Variants in QDPR observed in about 807,000 individuals in gnomAD.
QDPR encodes the protein quinoid dihydropteridine reductase.
Under a neutral mutation model 31.7 loss-of-function variants are expected in QDPR, and 23 were observed. That is an observed-to-expected ratio of 0.73 (90% CI 0.52 to 1.03). The LOEUF is 1.03. Among genes scored for constraint, QDPR ranks in the 50% least tolerant of loss-of-function variants. The probability of loss-of-function intolerance (pLI) is 0.00; values close to 1 mark genes in which losing one functional copy is unlikely to be tolerated. For missense variants in QDPR, 324 were observed against 323.8 expected (o/e 1.00, Z 0.00); for synonymous variants, 124 against 124.7 (o/e 0.99, Z 0.03).
intron 4 of QDPR, among the ~76,000 whole-genome samples, chr4:17,501,451 C>A (rs1309046164): frequency 1.3e-5 from 2 of 152,040 alleles, no homozygotes; most frequent in African/African-American, 4.8e-5. Context: ...ACCATTCATT[C>A]CAGTGTAGAT....
At chr4:17,497,755 C>CAGA (rs1387353249) in intron 4 of QDPR, among the ~76,000 whole-genome samples, 2 of 152,142 alleles carry the variant, frequency 1.3e-5, no homozygotes, top group Non-Finnish European at 2.9e-5. Flanking sequence ...GCCAAGCACC[C>CAGA]AGAAGACAGA....
chr4:17,497,454 G>A (rs1009675421), intron 4 of QDPR, among the ~76,000 whole-genome samples: 10 of 151,348 alleles, frequency 6.6e-5, no homozygotes, highest in Admixed American at 4.6e-4. Flanking sequence ...AATGTAGCCC[G>A]GTCTCACACT....
Position 17,487,101 on chromosome 4 carries a change from G to T in QDPR, c.*30C>A. ...CTGAGACAGGTTAGTGACTTTTCTGGCAGGCCCCTCATAGGCACTGAGATG... is the reference window on the plus strand; with the variant it reads ...CTGAGACAGGTTAGTGACTTTTCTGTCAGGCCCCTCATAGGCACTGAGATG... On this transcript the variant is annotated 3_prime_UTR_variant, in exon 7 of 7. Transcript: ENST00000281243. 1 of 1,565,986 alleles carries T rather than the reference G, an allele frequency of 6.4e-7. No individual in the cohort carries two copies. The highest frequency in any genetic ancestry group is 8.8e-7 in the Non-Finnish European group (1 of 1,136,792).
At chr4:17,493,451 G>T (rs981458874) in intron 4 of QDPR, among the ~76,000 whole-genome samples, 1 of 152,160 alleles carries the variant, frequency 6.6e-6, no homozygotes, top group African/African-American at 2.4e-5. Context: ...CCCTACTTCA[G>T]ATGGCAGTCA....
intron 1 of QDPR, 138 bp downstream of exon 1, chr4:17,511,812 T>A: frequency 1.2e-6 from 1 of 814,274 alleles, no homozygotes; most frequent in Non-Finnish European, 1.9e-6. Context: ...CGTAGACCTG[T>A]GCGCGCACGT....
chr4:17,487,363 C>G (rs997793667), intron 6 of QDPR, 127 bp from the exon 7 acceptor site: 2 of 754,396 alleles, frequency 2.7e-6, no homozygotes, highest in Non-Finnish European at 4.6e-6. Flanking sequence ...TTAAAAGCCA[C>G]TAAGGGCTGG....
intron 1 of QDPR, among the ~76,000 whole-genome samples, chr4:17,511,388 A>G (rs1384968142): frequency 6.6e-6 from 1 of 152,226 alleles, no homozygotes; most frequent in Non-Finnish European, 1.5e-5. Flanking sequence ...CAATGGGGCT[A>G]AAAGAACAGG....
chr4:17,511,893 C>T, intron 1 of QDPR, 57 bp downstream of exon 1: 1 of 1,564,906 alleles, frequency 6.4e-7, no homozygotes, highest in Non-Finnish European at 8.7e-7. Context: ...CCGGGTTCCA[C>T]ACGAAAGCCC....
At chr4:17,496,466 A>AAAAAAAAAAAAAAAAAC in intron 4 of QDPR, among the ~76,000 whole-genome samples, 1 of 149,146 alleles carries the variant, frequency 6.7e-6, no homozygotes, top group Non-Finnish European at 1.5e-5. Flanking sequence ...AAAAAAAAAA[A>AAAAAAAAAAAAAAAAAC]AAAAAAGAAC....
chr4:17,486,798 A>T lies in QDPR; in HGVS notation c.*333T>A, dbSNP rs1717972624. 3.2e-6 allele frequency: 1 copy of T among 309,964 alleles called. No homozygotes were observed. Among genetic ancestry groups the T allele is most frequent in the Non-Finnish European group, 6.1e-6 (1 of 163,874 alleles). 19.2% of individuals were successfully genotyped at this position (309,964 alleles called of 1,614,324 possible). On this transcript the variant is annotated 3_prime_UTR_variant, in exon 7 of 7. Transcript: ENST00000281243. ...CCCAATACCAACAAATCAACAAAGT[A>T]GTCAAGATGACAGCCACTGTCAAGG... is the stretch of plus-strand genomic sequence containing the variant.
intron 4 of QDPR, among the ~76,000 whole-genome samples, chr4:17,500,101 A>C (rs1239334899): frequency 6.6e-6 from 1 of 151,532 alleles, no homozygotes; most frequent in Non-Finnish European, 1.5e-5. Context: ...CTCCTGCTTC[A>C]GCCACCATCA....
At chr4:17,502,012 TGGTCAGA>T (rs1718583032) in intron 3 of QDPR, among the ~76,000 whole-genome samples, 153 bp from the exon 4 acceptor site, 1 of 152,216 alleles carries the variant, frequency 6.6e-6, no homozygotes, top group Non-Finnish European at 1.5e-5. Flanking sequence ...CAGGGCTCAG[TGGTCAGA>T]GACACAGGTT....
rs147260776 is a variant in QDPR at position 17,508,309 on chromosome 4, C to T, written c.198+962G>A. The stretch of plus-strand genomic sequence containing the variant: ...AAAAAGTTAGCTGGGCATTGGGGTG[C>T]ATGCCTGTAATCCCAGCTACTCAGG... On this transcript the variant is annotated intron_variant, in intron 2 of 6. Transcript: ENST00000281243. 7.6e-3 allele frequency among the ~76,000 whole-genome samples: 1,151 copies of T among 152,266 alleles called. 17 individuals are homozygous for T. The highest frequency in any genetic ancestry group is 0.027 in the African/African-American group (1,110 of 41,538).
intron 5 of QDPR, 42 bp downstream of exon 5, chr4:17,492,189 TG>T: frequency 2.0e-6 from 3 of 1,538,232 alleles, no homozygotes; most frequent in Non-Finnish European, 2.7e-6. Flanking sequence ...CCTGCAGCAG[TG>T]GGGCAGAGGT....
At position 17,486,712 on chromosome 4, in the gene QDPR, G is replaced by A; in HGVS notation, c.*419C>T. The stretch of plus-strand genomic sequence containing the variant: ...AGTTAAGGCAGTTTAATTCAAGGAT[G>A]CGAAAACTACGTCTATGACATAAAC... On this transcript the variant is annotated 3_prime_UTR_variant, in exon 7 of 7. Transcript: ENST00000281243. 4.5e-6 allele frequency: 1 copy of A among 222,724 alleles called. No homozygotes were observed. The highest frequency in any genetic ancestry group is 9.1e-6 in the Non-Finnish European group (1 of 109,854). The allele number at this position is 222,724 out of a possible 1,614,324, so 13.8% of individuals were successfully genotyped here.
At chr4:17,496,936 T>C (rs1718382112) in intron 4 of QDPR, among the ~76,000 whole-genome samples, 1 of 152,138 alleles carries the variant, frequency 6.6e-6, no homozygotes, top group African/African-American at 2.4e-5. Flanking sequence ...TTGTATTTTT[T>C]AGTAGAGATG....
intron 4 of QDPR, among the ~76,000 whole-genome samples, chr4:17,493,258 ACGTAGTGGGACC>A (rs1293987649): frequency 6.6e-6 from 1 of 152,142 alleles, no homozygotes; most frequent in Admixed American, 6.5e-5. Context: ...ATCCTGGGCA[ACGTAGTGGGACC>A]CCATCTCTAC....
intron 4 of QDPR, among the ~76,000 whole-genome samples, chr4:17,498,481 A>T (rs1042714817): frequency 3.9e-5 from 6 of 152,312 alleles, no homozygotes; most frequent in Admixed American, 1.3e-4. Flanking sequence ...CGAACAACAC[A>T]ACACAAGAGC....
intron 6 of QDPR, among the ~76,000 whole-genome samples, 158 bp from the exon 7 acceptor site, chr4:17,487,394 G>C (rs1718003776): frequency 1.3e-5 from 2 of 152,116 alleles, no homozygotes; most frequent in South Asian, 4.1e-4. Context: ...TCACACCTGT[G>C]ATCCCAGCAC....
Sources: allele counts gnomAD v4.1 joint callset (sites outside exome capture counted in the v4.1 genomes callset), GRCh38; gene constraint gnomAD v4.1.1; transcripts MANE v1.5; gene names NCBI Gene and HGNC (gene_info 2026-07-23, HGNC 2026-07-21).